TAOK3: variants seen among roughly 807,000 people sequenced by gnomAD.
The protein encoded by TAOK3 is TAO kinase 3, also known as serine/threonine-protein kinase TAO3.
A neutral mutation model predicts 120.4 loss-of-function variants in TAOK3; 40 were observed. The observed-to-expected ratio is 0.33, with a 90% CI of 0.26 to 0.43. The LOEUF (loss-of-function observed/expected upper bound fraction) is 0.43, where lower values mean the gene tolerates loss of function less well. Among genes scored for constraint, TAOK3 ranks in the 20% least tolerant of loss-of-function variants. TAOK3 has a pLI of 1.00. For missense variants in TAOK3, 821 were observed against 1,112.1 expected (o/e 0.74, Z 3.72); for synonymous variants, 355 against 387.5 (o/e 0.92, Z 0.99).
intron 10 of TAOK3, 127 bp from the exon 11 acceptor site, chr12:118,213,122 T>C: frequency 2.0e-6 from 1 of 503,222 alleles, no homozygotes; most frequent in East Asian, 3.2e-5. Context: ...CTTTGGAATA[T>C]CAGGATAACT....
At chr12:118,240,153 A>G (rs935721750) in intron 5 of TAOK3, among the ~76,000 whole-genome samples, 4 of 151,976 alleles carry the variant, frequency 2.6e-5, no homozygotes, top group Non-Finnish European at 4.4e-5. Context: ...TCTAAAAGCA[A>G]AAGTGAGAAA....
intron 1 of TAOK3, among the ~76,000 whole-genome samples, chr12:118,315,845 T>C (rs538022358): frequency 6.6e-6 from 1 of 152,182 alleles, no homozygotes; most frequent in African/African-American, 2.4e-5. Flanking sequence ...AGGAGGCAAA[T>C]GCAAGTATAA....
chr12:118,243,528 A>C lies in TAOK3; in HGVS notation c.193-12T>G. 8.3e-7 allele frequency: 1 copy of C among 1,211,464 alleles called. No individual in the cohort carries two copies. 75.0% of individuals were successfully genotyped at this position (1,211,464 alleles called of 1,614,324 possible). ...ATATCTTGCCATTTCTATTGAAGTCAGAAAAGGAACATTTTAATTTAATTT... is the reference window on the plus strand; with the variant it reads ...ATATCTTGCCATTTCTATTGAAGTCCGAAAAGGAACATTTTAATTTAATTT... On this transcript the variant is annotated splice_polypyrimidine_tract_variant and intron_variant, in intron 4 of 20. Coordinates refer to ENST00000392533, the MANE Select transcript of TAOK3 (RefSeq NM_016281.4).
intron 17 of TAOK3, 53 bp downstream of exon 17, chr12:118,172,404 C>G (rs1175659924): frequency 6.3e-7 from 1 of 1,576,396 alleles, no homozygotes; most frequent in Non-Finnish European, 8.7e-7. Context: ...ACAAGCCTCA[C>G]ATAGCATATT....
chr12:118,183,375 G>A (rs1240043694), intron 14 of TAOK3, among the ~76,000 whole-genome samples: 1 of 152,042 alleles, frequency 6.6e-6, no homozygotes, highest in African/African-American at 2.4e-5. Context: ...CTTTCCAGTT[G>A]AAACTAACAC....
At chr12:118,156,745 T>C (rs1241342929) in intron 19 of TAOK3, among the ~76,000 whole-genome samples, 2 of 150,984 alleles carry the variant, frequency 1.3e-5, no homozygotes, top group Non-Finnish European at 3.0e-5. Flanking sequence ...TTATTTTTGT[T>C]TTTTTTTTAG....
intron 4 of TAOK3, among the ~76,000 whole-genome samples, chr12:118,244,095 T>C (rs1273734014): frequency 1.3e-5 from 2 of 152,226 alleles, no homozygotes; most frequent in African/African-American, 4.8e-5. Flanking sequence ...TTTTTTCCTT[T>C]TCAGGCACCC....
intron 14 of TAOK3, among the ~76,000 whole-genome samples, chr12:118,184,364 T>A (rs911735815): frequency 1.3e-5 from 2 of 152,212 alleles, no homozygotes; most frequent in African/African-American, 2.4e-5. Context: ...AAATATGATA[T>A]TTACAGTTAT....
intron 11 of TAOK3, among the ~76,000 whole-genome samples, chr12:118,211,406 CTATTT>C (rs2038624339): frequency 6.6e-6 from 1 of 151,984 alleles, no homozygotes; most frequent in Non-Finnish European, 1.5e-5. Flanking sequence ...GCACTTAATT[CTATTT>C]TATTTCCTTA....
At chr12:118,194,634 T>A (rs980099879) in intron 13 of TAOK3, among the ~76,000 whole-genome samples, 6 of 141,462 alleles carry the variant, frequency 4.2e-5, no homozygotes, top group African/African-American at 1.0e-4. Context: ...TTTTTTTTTT[T>A]ATCCCGCAAA....
intron 1 of TAOK3, among the ~76,000 whole-genome samples, chr12:118,316,989 C>T (rs2043488914): frequency 6.6e-6 from 1 of 152,018 alleles, no homozygotes; most frequent in African/African-American, 2.4e-5. Context: ...TGGGGCTGGG[C>T]ACGGTGGCTC....
rs138948268 is a variant in TAOK3 at position 118,214,746 on chromosome 12, C to CT, written c.644-637dup. ...TCGTGCATGGCTAATTTCTTTCTTT[C>CT]TTTTTTTTTTTTTTTTGAGATGGAG... On this transcript the variant is annotated intron_variant, in intron 9 of 20. Transcript: ENST00000392533. 2.1e-3 allele frequency among the ~76,000 whole-genome samples: 281 copies of CT among 133,830 alleles called. 1 individual carries two copies. Among genetic ancestry groups the CT allele is most frequent in the Middle Eastern group, 7.6e-3 (2 of 264 alleles). The allele number at this position is 133,830 out of a possible 152,430, so 87.8% of individuals were successfully genotyped here.
chr12:118,204,616 A>C (rs1427806071), intron 11 of TAOK3, among the ~76,000 whole-genome samples: 1 of 152,240 alleles, frequency 6.6e-6, no homozygotes, highest in Non-Finnish European at 1.5e-5. Flanking sequence ...GAAAGGAAGA[A>C]AGTATTATCA....
In TAOK3 at chr12:118,160,071, G is replaced by C; in HGVS notation, c.2352+75C>G. 1 of 1,224,438 alleles carries C rather than the reference G, an allele frequency of 8.2e-7. No homozygotes were observed. Among genetic ancestry groups the C allele is most frequent in the Non-Finnish European group, 1.2e-6 (1 of 832,302 alleles). The allele number at this position is 1,224,438 out of a possible 1,614,324, so 75.8% of individuals were successfully genotyped here. On this transcript the variant is annotated intron_variant, in intron 19 of 20. Coordinates refer to ENST00000392533, the MANE Select transcript of TAOK3 (RefSeq NM_016281.4). The surrounding 1 kb of genome is among the most constrained non-coding windows in gnomAD (Gnocchi z 4.2). The stretch of plus-strand genomic sequence containing the variant: ...TAAATTTGTGCAAGAATCATCTTGG[G>C]AACAACAGGCTGGATCTTGGATTTT...
At chr12:118,185,200 T>C (rs2037000692) in intron 14 of TAOK3, among the ~76,000 whole-genome samples, 1 of 152,048 alleles carries the variant, frequency 6.6e-6, no homozygotes, top group Non-Finnish European at 1.5e-5. Context: ...ATCTAGAATA[T>C]GAAAAATAAA....
At chr12:118,278,612 C>T (rs982374521) in intron 1 of TAOK3, among the ~76,000 whole-genome samples, 1 of 152,120 alleles carries the variant, frequency 6.6e-6, no homozygotes, top group Non-Finnish European at 1.5e-5. Context: ...CATATGGGTA[C>T]ATGAGTCTTT....
intron 1 of TAOK3, among the ~76,000 whole-genome samples, chr12:118,267,511 G>A (rs1021755812): frequency 4.7e-5 from 7 of 150,266 alleles, no homozygotes; most frequent in African/African-American, 1.5e-4. Context: ...CACCGCGCCC[G>A]GCTGGAGTGA....
At chr12:118,266,821 C>T (rs1473757915) in intron 1 of TAOK3, 62 bp from the exon 2 acceptor site, 2 of 389,008 alleles carry the variant, frequency 5.1e-6, no homozygotes, top group Non-Finnish European at 9.1e-6. Flanking sequence ...AATAATTGCT[C>T]ATGTGGTAGT....
At chr12:118,255,795 A>G in intron 2 of TAOK3, 140 bp from the exon 3 acceptor site, 1 of 443,424 alleles carries the variant, frequency 2.3e-6, no homozygotes, top group Non-Finnish European at 3.9e-6. Context: ...TAAAGAATGG[A>G]CATATGGCCG....
Sources: allele counts gnomAD v4.1 joint callset (sites outside exome capture counted in the v4.1 genomes callset), GRCh38; gene constraint gnomAD v4.1.1; non-coding constraint Gnocchi (gnomAD v3.1); transcripts MANE v1.5; gene names NCBI Gene and HGNC (gene_info 2026-07-23, HGNC 2026-07-21).